NUP58: variants seen among roughly 807,000 people sequenced by gnomAD.
The protein encoded by NUP58 is nucleoporin p58/p45.
Under a neutral mutation model 70.1 loss-of-function variants are expected in NUP58, and 17 were observed. The ratio of observed to expected loss-of-function variants is 0.24; its 90% CI spans 0.17 to 0.36. NUP58 has a LOEUF of 0.36. Among genes scored for constraint, NUP58 ranks in the 10% least tolerant of loss-of-function variants. The pLI is 1.00. For synonymous variants in NUP58, 275 were observed against 257.6 expected (o/e 1.07, Z -0.65); for missense variants, 644 against 701.5 (o/e 0.92, Z 0.93).
At chr13:25,333,724 G>T in intron 13 of NUP58, 1 of 985,272 alleles carries the variant, frequency 1.0e-6, no homozygotes, top group Non-Finnish European at 1.2e-6. Context: ...TTATCAAATG[G>T]TGTTTTGTAC....
rs2031956856 is a variant in NUP58, at chr13:25,341,598, A to G, written c.*1464A>G. 1 of 152,648 alleles carries G rather than the reference A, an allele frequency of 6.6e-6. No homozygotes were observed. The highest frequency in any genetic ancestry group is 2.4e-5 in the African/African-American group (1 of 41,458). The allele number at this position is 152,648 out of a possible 1,614,324, so 9.5% of individuals were successfully genotyped here. A position where few individuals can be genotyped will look rare whatever the true frequency, so the allele number is the denominator to read the frequency against. On this transcript the variant is annotated 3_prime_UTR_variant, in exon 16 of 16. Coordinates refer to ENST00000381736, the MANE Select transcript of NUP58 (RefSeq NM_014089.4). ...AAATTCTCCCATTATAACAGTGAAC[A>G]GAGCTCCAGGTAATAACGCATAGGC...
In NUP58 at chr13:25,327,028, C is replaced by T. The variant is rs766163696; in HGVS notation, c.1144C>T (p.Pro382Ser). The change falls in exon 11 of 16, where the codon CCT (proline) becomes TCT (serine). Residue 382 changes from proline (P) to serine (S), a missense_variant. Coordinates refer to ENST00000381736, the MANE Select transcript of NUP58 (RefSeq NM_014089.4). The stretch of plus-strand genomic sequence containing the variant: ...TCAAGCAAATAATTCACATATAACC[C>T]CTCAAGGTAACATGCTTACTGTGGT... The part of the protein sequence containing the change: ...ATQANNSHIT[P>S]QDLSMAMQKI... 8 of 1,563,210 alleles carry T rather than the reference C, an allele frequency of 5.1e-6. No homozygotes were observed. The Admixed American group carries it at 1.4e-4, about 27-fold the overall frequency.
At position 25,312,988 on chromosome 13, in the gene NUP58, C is replaced by T. The variant is rs2030749059; in HGVS notation, c.392C>T (p.Ala131Val). Reference protein sequence around the residue: ...PFALPITSTSASGLTLSSALT... With the variant: ...PFALPITSTSVSGLTLSSALT... ...GCTCTACCTATTACCTCTACCTCAG[C>T]TAGCGGTCTGACTCTTTCGTCTGCT... Residue 131 changes from alanine (A) to valine (V), a missense_variant, in exon 4 of 16, where the codon GCT becomes GTT. Transcript: ENST00000381736. The T allele has an allele frequency of 3.1e-6, 5 of 1,614,066 alleles. No individual in the cohort carries two copies. The African/African-American group carries it at 5.3e-5, about 17-fold the overall frequency.
At chr13:25,329,597 T>A (rs1197333805) in intron 12 of NUP58, among the ~76,000 whole-genome samples, 1 of 152,198 alleles carries the variant, frequency 6.6e-6, no homozygotes, top group Non-Finnish European at 1.5e-5. Context: ...GTTGCCATTA[T>A]TTTTAGCTTA....
chr13:25,337,097 TAA>T, intron 14 of NUP58, 63 bp downstream of exon 14: 1 of 1,079,068 alleles, frequency 9.3e-7, no homozygotes, highest in Non-Finnish European at 1.3e-6. Flanking sequence ...TACTAGCCTG[TAA>T]AAAAAAATTT....
At chr13:25,302,911 TTGTC>T (rs1184395601) in intron 1 of NUP58, 6 of 453,224 alleles carry the variant, frequency 1.3e-5, no homozygotes, top group Non-Finnish European at 2.2e-5. Context: ...CCATTTCTGT[TTGTC>T]TTTATTTCCA....
In NUP58 at chr13:25,342,073, C is replaced by T. The variant is rs1251542095; in HGVS notation, c.*1939C>T. On this transcript the variant is annotated 3_prime_UTR_variant, in exon 16 of 16. Transcript: ENST00000381736. ...AAGGAAAATTATTTATCTCTGAGCA[C>T]TAAACTTATTTTTGCATATTTCTGT... is the stretch of plus-strand genomic sequence containing the variant. 1 of 152,182 alleles carries T rather than the reference C, an allele frequency of 6.6e-6. No individual in the cohort carries two copies. The highest frequency in any genetic ancestry group is 1.5e-5 in the Non-Finnish European group (1 of 68,000). 9.4% of individuals were successfully genotyped at this position (152,182 alleles called of 1,614,324 possible).
intron 9 of NUP58, among the ~76,000 whole-genome samples, chr13:25,324,033 G>A (rs1468518317): frequency 6.6e-6 from 1 of 152,116 alleles, no homozygotes; most frequent in Non-Finnish European, 1.5e-5. Flanking sequence ...ACGAGGGTAT[G>A]GGCATGTCTG....
chr13:25,331,885 G>C, intron 13 of NUP58: 1 of 1,110,020 alleles, frequency 9.0e-7, no homozygotes, highest in Non-Finnish European at 1.1e-6. Flanking sequence ...AATCATGACT[G>C]TACCATTTAT....
At position 25,320,960 on chromosome 13, in the gene NUP58, G is replaced by A; in HGVS notation, c.818G>A (p.Ser273Asn). Residue 273 changes from serine to asparagine, a missense_variant, in exon 9 of 16, where the codon AGT (serine) becomes AAT (asparagine). Ser to Asn is a conservative substitution (Grantham distance 46, BLOSUM62 1). Transcript: ENST00000381736. ...CAGAAACAAGTTCAAGAAGAAATTA[G>A]TAGAATGTCTTCAAAAGCAATGCTT... is the stretch of plus-strand genomic sequence containing the variant. Reference protein sequence around the residue: ...KEQKQVQEEISRMSSKAMLKV... With the variant: ...KEQKQVQEEINRMSSKAMLKV... The A allele has an allele frequency of 1.3e-6, 2 of 1,580,026 alleles. No individual in the cohort carries two copies. Among genetic ancestry groups the A allele is most frequent in the East Asian group, 2.3e-5 (1 of 44,088 alleles).
chr13:25,313,662 C>A lies in NUP58; in HGVS notation c.485C>A (p.Thr162Asn). The change falls in exon 5 of 16, where the codon ACT (threonine) becomes AAT (asparagine). Residue 162 changes from threonine to asparagine, a missense_variant. Physicochemically the swap from Thr to Asn is moderately conservative, Grantham distance 65 (BLOSUM62 0). Coordinates refer to ENST00000381736, the MANE Select transcript of NUP58 (RefSeq NM_014089.4). ...AATTTGGGTGGGACAACAGCCACAA[C>A]TACAACTGCATCAACAGGCCTCTCT... ...LNNLGGTTATTTTASTGLSLG... is the reference protein window; with the variant it reads ...LNNLGGTTATNTTASTGLSLG... 1 of 1,529,176 alleles carries A rather than the reference C, an allele frequency of 6.5e-7. No homozygotes were observed. The highest frequency in any genetic ancestry group is 8.7e-7 in the Non-Finnish European group (1 of 1,151,510). 94.7% of individuals were successfully genotyped at this position (1,529,176 alleles called of 1,614,324 possible).
chr13:25,322,882 CTG>C (rs1416190109), intron 9 of NUP58, among the ~76,000 whole-genome samples: 2 of 152,046 alleles, frequency 1.3e-5, no homozygotes, highest in Admixed American at 6.6e-5. Context: ...AATGTTTAGA[CTG>C]TGATTAAACA....
intron 12 of NUP58, among the ~76,000 whole-genome samples, chr13:25,330,661 G>A (rs1359108369): frequency 6.6e-6 from 1 of 152,158 alleles, no homozygotes; most frequent in Non-Finnish European, 1.5e-5. Flanking sequence ...ATGCTGCATT[G>A]GGTAAAAGCA....
In NUP58 at chr13:25,301,752, C is replaced by G. The variant is rs778124628; in HGVS notation, c.-22C>G. Reference sequence around the variant, plus strand: ...TCCCAGACCCATTTCGCCTTGCTGACGGCGTCGAGCCCTGGCCAGACATGT... The same window carrying G: ...TCCCAGACCCATTTCGCCTTGCTGAGGGCGTCGAGCCCTGGCCAGACATGT... On this transcript the variant is annotated 5_prime_UTR_variant, in exon 1 of 16. Transcript: ENST00000381736. 1 of 1,528,058 alleles carries G rather than the reference C, an allele frequency of 6.5e-7. No individual in the cohort carries two copies. Among genetic ancestry groups the G allele is most frequent in the South Asian group, 1.2e-5 (1 of 86,418 alleles). 94.7% of individuals were successfully genotyped at this position (1,528,058 alleles called of 1,614,324 possible).
chr13:25,314,087 C>A (rs1286397371), intron 5 of NUP58, among the ~76,000 whole-genome samples: 1 of 152,006 alleles, frequency 6.6e-6, no homozygotes, highest in Non-Finnish European at 1.5e-5. Flanking sequence ...TGTGCCAGCA[C>A]ACCTGGCTTA....
Position 25,307,918 on chromosome 13 carries a change from A to G in NUP58, c.220A>G (p.Thr74Ala). 6.2e-7 allele frequency: 1 copy of G among 1,614,154 alleles called. No homozygotes were observed. The highest frequency in any genetic ancestry group is 1.1e-5 in the South Asian group (1 of 91,092). The change falls in exon 2 of 16, where the codon ACT (threonine) becomes GCT (alanine). Residue 74 changes from threonine (T) to alanine (A), a missense_variant. Transcript: ENST00000381736. ...CGGGCTCTTTGGATCTAAACCTGCC[A>G]CTGGGTTCACTCTAGGAGGAACAAA... is the stretch of plus-strand genomic sequence containing the variant. ...GTGLFGSKPA[T>A]GFTLGGTNTG...
intron 14 of NUP58, 63 bp from the exon 15 acceptor site, chr13:25,338,573 G>A: frequency 8.2e-7 from 1 of 1,219,524 alleles, no homozygotes; most frequent in Non-Finnish European, 1.2e-6. Flanking sequence ...GGTTGTACTT[G>A]TCCATATCCT....
chr13:25,346,309 AC>A (rs2032049968), downstream of NUP58, among the ~76,000 whole-genome samples: 1 of 152,118 alleles, frequency 6.6e-6, no homozygotes, highest in Admixed American at 6.6e-5. Flanking sequence ...AAATAATATC[AC>A]CACTCAACTA....
At position 25,335,929 on chromosome 13, in the gene NUP58, T is replaced by C. The variant is rs1027399386; in HGVS notation, c.1436-1007T>C. On this transcript the variant is annotated intron_variant, in intron 13 of 15. Transcript: ENST00000381736. ...TTTATTGAATAATTTTCATAAATTA[T>C]TTATCCAAATGAGAGATTTTTAGAT... 21 of 1,097,946 alleles carry C rather than the reference T, an allele frequency of 1.9e-5. No homozygotes were observed. In the East Asian group the frequency reaches 1.0e-3, roughly 55 times the overall value. The allele number at this position is 1,097,946 out of a possible 1,614,324, so 68.0% of individuals were successfully genotyped here.
Sources: allele counts gnomAD v4.1 joint callset (sites outside exome capture counted in the v4.1 genomes callset), GRCh38; gene constraint gnomAD v4.1.1; transcripts MANE v1.5; gene names NCBI Gene and HGNC (gene_info 2026-07-23, HGNC 2026-07-21).